ASB7: variants seen among roughly 807,000 people sequenced by gnomAD.
ASB7 encodes ankyrin repeat and SOCS box containing 7.
ASB7 carries 4 observed loss-of-function variants against 32.5 expected under a neutral mutation model. That is an observed-to-expected ratio of 0.12 (90% confidence interval 0.06 to 0.28). The LOEUF is 0.28. Ranked by LOEUF, ASB7 falls within the 10% of genes least tolerant of loss-of-function variation. The pLI, the probability that ASB7 is intolerant of heterozygous loss-of-function variation, is 1.00. For missense variants in ASB7, 181 were observed against 407.1 expected, an observed-to-expected ratio of 0.44 and a Z score of 4.78; for synonymous variants, 172 against 155.6, an observed-to-expected ratio of 1.11 and a Z score of -0.78.
intron 4 of ASB7, among the ~76,000 whole-genome samples, chr15:100,620,487 G>A (rs1280571615): frequency 1.3e-5 from 2 of 152,126 alleles, no homozygotes; most frequent in South Asian, 2.1e-4. Context: ...ACTGTGGTCC[G>A]AAAATACTTG....
Position 100,629,367 on chromosome 15 carries a change from C to T in ASB7, c.212-70C>T. On this transcript the variant is annotated intron_variant, in intron 4 of 5. Transcript: ENST00000332783. This position sits in a 1 kb window ranked among gnomAD's most constrained non-coding sequence, Gnocchi z 6.8. ...TTATATGAGAATTGGCCACAGTTTGCTGTGCCATGGTAATGTTTGTTGTTT... is the reference window on the plus strand; with the variant it reads ...TTATATGAGAATTGGCCACAGTTTGTTGTGCCATGGTAATGTTTGTTGTTT... The T allele has an allele frequency of 7.3e-7, 1 of 1,367,120 alleles. No individual in the cohort carries two copies. Among genetic ancestry groups the T allele is most frequent in the Non-Finnish European group, 1.0e-6 (1 of 989,654 alleles). 84.7% of individuals were successfully genotyped at this position (1,367,120 alleles called of 1,614,324 possible). A position where few individuals can be genotyped will look rare whatever the true frequency, so the allele number is the denominator to read the frequency against.
intron 5 of ASB7, among the ~76,000 whole-genome samples, chr15:100,636,198 G>A (rs944578005): frequency 2.0e-5 from 3 of 152,144 alleles, no homozygotes; most frequent in African/African-American, 7.2e-5. Flanking sequence ...CTCTGAATTT[G>A]TTTCCTCTCC....
chr15:100,613,258 G>A (rs2039711822), intron 4 of ASB7, among the ~76,000 whole-genome samples: 2 of 152,206 alleles, frequency 1.3e-5, no homozygotes, highest in African/African-American at 4.8e-5. Context: ...CCTTCCTAAG[G>A]TGCACTTTGT....
chr15:100,640,917 A>T (rs1250657740), intron 5 of ASB7, among the ~76,000 whole-genome samples: 1 of 152,240 alleles, frequency 6.6e-6, no homozygotes, highest in Non-Finnish European at 1.5e-5. Flanking sequence ...AAATGGAAAG[A>T]CTAATAACCC....
At chr15:100,627,904 C>G (rs769070405) in intron 4 of ASB7, among the ~76,000 whole-genome samples, 12 of 152,188 alleles carry the variant, frequency 7.9e-5, no homozygotes, top group Non-Finnish European at 1.5e-4. Context: ...GTAAGCGATG[C>G]ACCTGGAACC....
At position 100,646,877 on chromosome 15, in the gene ASB7, G is replaced by T. The variant is rs377071766; in HGVS notation, c.818-1446G>T. Among the ~76,000 whole-genome samples the T allele has an allele frequency of 4.6e-5, 7 of 152,278 alleles. No individual in the cohort carries two copies. In the South Asian group the frequency reaches 1.5e-3, roughly 32 times the overall value. On this transcript the variant is annotated intron_variant, in intron 5 of 5. Transcript: ENST00000332783. The stretch of plus-strand genomic sequence containing the variant: ...GCCTTTCTCTCATTCCTTTTATCAT[G>T]AGTGTCAGTTTTTTCCAGAGACGAG...
chr15:100,615,752 C>G (rs1445481154), intron 4 of ASB7, among the ~76,000 whole-genome samples: 1 of 152,190 alleles, frequency 6.6e-6, no homozygotes, highest in African/African-American at 2.4e-5. Flanking sequence ...GTAGCCAGCT[C>G]CCTTTTTAAA....
chr15:100,619,937 C>G (rs529643395), intron 4 of ASB7, among the ~76,000 whole-genome samples: 1 of 152,330 alleles, frequency 6.6e-6, no homozygotes, highest in East Asian at 1.9e-4. Context: ...CTAGTTTAAT[C>G]TAAGCCTGTG....
At chr15:100,645,847 T>G in intron 5 of ASB7, 1 of 1,070,172 alleles carries the variant, frequency 9.3e-7, no homozygotes, top group Non-Finnish European at 1.4e-6. Flanking sequence ...AATTTCATGG[T>G]CCCAAGATAC....
intron 5 of ASB7, chr15:100,645,666 G>C: frequency 1.5e-6 from 2 of 1,375,930 alleles, no homozygotes; most frequent in Non-Finnish European, 2.1e-6. Context: ...TGTGAGGTTA[G>C]GGACGGCAAC....
chr15:100,616,707 C>G (rs1489846917), intron 4 of ASB7, among the ~76,000 whole-genome samples: 2 of 152,190 alleles, frequency 1.3e-5, no homozygotes, highest in African/African-American at 2.4e-5. Flanking sequence ...TTACCTGATA[C>G]CCTTTCCCTA....
At chr15:100,628,283 G>C (rs1371504320) in intron 4 of ASB7, among the ~76,000 whole-genome samples, 1 of 152,130 alleles carries the variant, frequency 6.6e-6, no homozygotes, top group African/African-American at 2.4e-5. Context: ...ATAGTTTTCT[G>C]CCTCAGATTT....
intron 5 of ASB7, chr15:100,646,053 G>A (rs2039994993): frequency 2.4e-6 from 1 of 409,436 alleles, no homozygotes; most frequent in South Asian, 2.0e-5. Context: ...TATCTCAGGA[G>A]CCACTGCAAA....
chr15:100,642,968 G>A (rs1221073829), intron 5 of ASB7, among the ~76,000 whole-genome samples: 1 of 152,226 alleles, frequency 6.6e-6, no homozygotes, highest in African/African-American at 2.4e-5. Flanking sequence ...CCCTGGAGGT[G>A]GAGGTTGCAG....
At chr15:100,631,013 C>A (rs1470379087) in intron 5 of ASB7, among the ~76,000 whole-genome samples, 1 of 152,198 alleles carries the variant, frequency 6.6e-6, no homozygotes, top group East Asian at 1.9e-4. Flanking sequence ...TTGTAAGTAA[C>A]CCACTCTACC....
chr15:100,637,158 G>A (rs2141404281), intron 5 of ASB7, among the ~76,000 whole-genome samples: 1 of 152,372 alleles, frequency 6.6e-6, no homozygotes. Context: ...GGGCAGTGAT[G>A]ATGATTGAGG....
chr15:100,614,388 T>G (rs2039724012), intron 4 of ASB7, among the ~76,000 whole-genome samples: 1 of 152,328 alleles, frequency 6.6e-6, no homozygotes, highest in Middle Eastern at 3.4e-3. Context: ...TGTTGTTTTT[T>G]ATACAACTGT....
At chr15:100,608,610 C>G (rs1209015921) in intron 2 of ASB7, among the ~76,000 whole-genome samples, 1 of 152,138 alleles carries the variant, frequency 6.6e-6, no homozygotes, top group East Asian at 1.9e-4. Context: ...ATGTTCCAGT[C>G]TTAGAATCGG....
rs1342808452 is a variant in ASB7, at chr15:100,651,122, C to CCA, written c.*2661_*2662dup. 6.6e-6 allele frequency: 1 copy of CCA among 151,742 alleles called. No homozygotes were observed. The highest frequency in any genetic ancestry group is 1.9e-4 in the East Asian group (1 of 5,192). The allele number at this position is 151,742 out of a possible 1,614,324, so 9.4% of individuals were successfully genotyped here. On this transcript the variant is annotated 3_prime_UTR_variant, in exon 6 of 6. Coordinates refer to ENST00000332783, the MANE Select transcript of ASB7 (RefSeq NM_198243.3). ...TATAAAAATATATTTGGCAAATACA[C>CCA]CAAAGAAACCAGCTTACAAAAGATT... is the stretch of plus-strand genomic sequence containing the variant.
Sources: allele counts gnomAD v4.1 joint callset (sites outside exome capture counted in the v4.1 genomes callset), GRCh38; gene constraint gnomAD v4.1.1; non-coding constraint Gnocchi (gnomAD v3.1); transcripts MANE v1.5; gene names NCBI Gene and HGNC (gene_info 2026-07-23, HGNC 2026-07-21).